Variants in ANKRD27 observed in about 807,000 individuals in gnomAD.
ANKRD27 encodes ankyrin repeat domain-containing protein 27.
In ANKRD27, 112 loss-of-function variants were observed where a neutral mutation model predicts 129.7. The ratio of observed to expected loss-of-function variants is 0.86; its 90% CI spans 0.74 to 1.01. The LOEUF is 1.01. Among genes scored for constraint, ANKRD27 ranks in the 50% least tolerant of loss-of-function variants. The pLI, the probability that ANKRD27 is intolerant of heterozygous loss-of-function variation, is 0.00. For missense variants in ANKRD27, 1,258 were observed against 1,300.5 expected, an observed-to-expected ratio of 0.97 and a Z score of 0.50; for synonymous variants, 516 against 511.2, an observed-to-expected ratio of 1.01 and a Z score of -0.13.
At position 32,634,901 on chromosome 19, in the gene ANKRD27, C is replaced by T. The variant is rs372187759; in HGVS notation, c.1117-3407G>A. ...CTGCACTCCCGTCTGGGTGACAGAG[C>T]GAGACTCAGTCTCAAAAAAAAAGAA... On this transcript the variant is annotated intron_variant, in intron 12 of 28. Coordinates refer to ENST00000306065, the MANE Select transcript of ANKRD27 (RefSeq NM_032139.3). Among the ~76,000 whole-genome samples, 4 of 152,124 alleles carry T rather than the reference C, an allele frequency of 2.6e-5. No individual in the cohort carries two copies. The East Asian group carries it at 5.8e-4, about 22-fold the overall frequency.
chr19:32,608,829 G>A (rs1035104214), intron 22 of ANKRD27, among the ~76,000 whole-genome samples: 6 of 151,956 alleles, frequency 3.9e-5, no homozygotes, highest in South Asian at 2.1e-4. Context: ...GCACCTGCCT[G>A]TAATCCCAGC....
chr19:32,640,620 A>G (rs12462032), intron 10 of ANKRD27, among the ~76,000 whole-genome samples: 106,024 of 152,140 alleles, frequency 0.7, 37,436 homozygotes, highest in African/African-American at 0.81. Flanking sequence ...TAGTAACTCT[A>G]GCCAGATACG....
intron 2 of ANKRD27, among the ~76,000 whole-genome samples, chr19:32,651,708 C>A (rs371377889): frequency 6.6e-6 from 1 of 152,052 alleles, no homozygotes; most frequent in East Asian, 1.9e-4. Context: ...GAGAACTCTG[C>A]CCCACTGTGC....
At position 32,602,479 on chromosome 19, in the gene ANKRD27, C is replaced by T. The variant is rs536872167; in HGVS notation, c.2656-353G>A. On this transcript the variant is annotated intron_variant, in intron 25 of 28. Transcript: ENST00000306065. ...GTACTCATTGAAACACATTAATTAACTGGGCACGGTGGCTCACGCGTGCAA... is the reference window on the plus strand; with the variant it reads ...GTACTCATTGAAACACATTAATTAATTGGGCACGGTGGCTCACGCGTGCAA... 3.9e-5 allele frequency among the ~76,000 whole-genome samples: 6 copies of T among 152,264 alleles called. No individual in the cohort carries two copies. The South Asian group carries it at 1.2e-3, about 32-fold the overall frequency.
chr19:32,653,919 G>T (rs1490545620), intron 2 of ANKRD27, among the ~76,000 whole-genome samples: 1 of 152,030 alleles, frequency 6.6e-6, no homozygotes, highest in African/African-American at 2.4e-5. Flanking sequence ...TTGTTTTTTT[G>T]AGACAGAGTC....
intron 1 of ANKRD27, chr19:32,673,328 C>T (rs1486759735): frequency 6.1e-6 from 6 of 985,930 alleles, no homozygotes; most frequent in African/African-American, 3.5e-5. Context: ...TCCTGCATCC[C>T]CTCCTTCCAA....
At chr19:32,669,947 G>A in intron 1 of ANKRD27, among the ~76,000 whole-genome samples, 1 of 149,224 alleles carries the variant, frequency 6.7e-6, no homozygotes, top group Non-Finnish European at 1.5e-5. Context: ...AGCGAGCCGA[G>A]ATGGCGCCAC....
At position 32,656,103 on chromosome 19, in the gene ANKRD27, GAAAGAAAAGA is replaced by G. The variant is rs535574771; in HGVS notation, c.102+2801_102+2810del. ...AGAAAGAAAGAAAGAAAGAAAGAAAGAAAGAAAAGAAAAGAAAAGAAAAGAAAAGAAAAGA... is the reference window on the plus strand; with the variant it reads ...AGAAAGAAAGAAAGAAAGAAAGAAAGAAAGAAAAGAAAAGAAAAGAAAAGA... On this transcript the variant is annotated intron_variant, in intron 2 of 28. Transcript: ENST00000306065. Among the ~76,000 whole-genome samples, 1,125 of 123,036 alleles carry G rather than the reference GAAAGAAAAGA, an allele frequency of 9.1e-3. 12 individuals are homozygous for G. The highest frequency in any genetic ancestry group is 0.023 in the East Asian group (93 of 4,052). The allele number at this position is 123,036 out of a possible 152,430, so 80.7% of individuals were successfully genotyped here. A position where few individuals can be genotyped will look rare whatever the true frequency, so the allele number is the denominator to read the frequency against.
intron 27 of ANKRD27, 71 bp downstream of exon 27, chr19:32,599,901 A>AAGCAGCTTACG: frequency 6.6e-7 from 1 of 1,520,396 alleles, no homozygotes; most frequent in Non-Finnish European, 9.1e-7. Flanking sequence ...ATTACAATTG[A>AAGCAGCTTACG]AGCAGCTTAC....
intron 15 of ANKRD27, among the ~76,000 whole-genome samples, chr19:32,627,396 TTATTTATTTA>T (rs1966906863): frequency 1.5e-5 from 1 of 66,178 alleles, no homozygotes; most frequent in African/African-American, 3.2e-5. Context: ...ATTTATTTAT[TTATTTATTTA>T]TTTATTTTTT....
At chr19:32,645,928 G>A (rs962647536) in intron 4 of ANKRD27, among the ~76,000 whole-genome samples, 55 of 150,898 alleles carry the variant, frequency 3.6e-4, no homozygotes, top group African/African-American at 1.2e-3. Flanking sequence ...GAGCCACCAC[G>A]CCCAGCCTAC....
Position 32,663,206 on chromosome 19 carries a change from G to C in ANKRD27, c.-30-4161C>G, listed in dbSNP as rs144217646. On this transcript the variant is annotated intron_variant, in intron 1 of 28. Transcript: ENST00000306065. ...GAAGCCCACATGATGAAAGGCCATG[G>C]GGGGAGAGCGAGGCCTAGGTGGCCC... 5.4e-4 allele frequency among the ~76,000 whole-genome samples: 82 copies of C among 152,268 alleles called. No homozygotes were observed. In the East Asian group the frequency reaches 9.3e-3, roughly 17 times the overall value.
intron 5 of ANKRD27, among the ~76,000 whole-genome samples, 170 bp downstream of exon 5, chr19:32,644,155 T>G (rs1288700048): frequency 2.6e-5 from 4 of 152,072 alleles, no homozygotes; most frequent in Non-Finnish European, 5.9e-5. Context: ...GAAGACAGGC[T>G]TGTACCACCA....
intron 2 of ANKRD27, among the ~76,000 whole-genome samples, chr19:32,656,103 G>GAAAGAAAGGAAAAGAAAAGAAAAGA (rs1555747136): frequency 1.1e-3 from 137 of 123,652 alleles, no homozygotes; most frequent in South Asian, 4.7e-3. Context: ...AAGAAAGAAA[G>GAAAGAAAGGAAAAGAAAAGAAAAGA]AAAGAAAAGA....
intron 1 of ANKRD27, among the ~76,000 whole-genome samples, chr19:32,672,152 G>A (rs144888464): frequency 0.012 from 1,827 of 152,336 alleles, 43 homozygotes; most frequent in African/African-American, 0.041. Flanking sequence ...CCGCCCTTCC[G>A]GGGCTCTGAC....
At chr19:32,599,537 T>A (rs1362482885) in intron 28 of ANKRD27, among the ~76,000 whole-genome samples, 167 bp downstream of exon 28, 3 of 152,252 alleles carry the variant, frequency 2.0e-5, no homozygotes, top group Non-Finnish European at 4.4e-5. Flanking sequence ...CAGTGAAGTC[T>A]GTACTCTACA....
intron 21 of ANKRD27, 65 bp from the exon 22 acceptor site, chr19:32,615,845 AAC>A (rs1297259166): frequency 1.5e-5 from 24 of 1,569,012 alleles, no homozygotes; most frequent in Non-Finnish European, 2.1e-5. Context: ...CAATATCTTA[AAC>A]ACACACCATC....
In ANKRD27 at chr19:32,658,963, T is replaced by G. The variant is rs1967595458; in HGVS notation, c.53A>C (p.Gln18Pro). Residue 18 changes from glutamine (Q) to proline (P), a missense_variant, in exon 2 of 29, where the codon CAA becomes CCA. Coordinates refer to ENST00000306065, the MANE Select transcript of ANKRD27 (RefSeq NM_032139.3). ...GCTGCACAAGTCAGGGCGGCACTTT[T>G]GCAGAGCCAGATAGAAAGGATTTTT... ...LLKNPFYLAL[Q>P]KCRPDLCSKV... 2 of 1,613,994 alleles carry G rather than the reference T, an allele frequency of 1.2e-6. No homozygotes were observed. Among genetic ancestry groups the G allele is most frequent in the Non-Finnish European group, 1.7e-6 (2 of 1,180,028 alleles).
At chr19:32,659,133 CT>C (rs200281838) in intron 1 of ANKRD27, 88 bp from the exon 2 acceptor site, 5,871 of 331,112 alleles carry the variant, frequency 0.018, 193 homozygotes, top group East Asian at 0.11. Flanking sequence ...CTGGCATTTT[CT>C]TTTTCTTTTT....
Sources: gnomAD v4.1 joint callset for allele counts (sites outside exome capture counted in the v4.1 genomes callset) on GRCh38, gnomAD v4.1.1 for gene constraint, MANE v1.5 for transcripts, NCBI Gene and HGNC (gene_info 2026-07-23, HGNC 2026-07-21) for gene names.